PDE4D: variants seen among roughly 807,000 people sequenced by gnomAD.
PDE4D encodes the protein 3',5'-cyclic-AMP phosphodiesterase 4D.
Under a neutral mutation model 87.4 loss-of-function variants are expected in PDE4D, and 24 were observed. The ratio of observed to expected loss-of-function variants is 0.27; its 90% CI spans 0.20 to 0.39. PDE4D has a LOEUF of 0.39. PDE4D is among the 10% of genes least tolerant of loss of function. PDE4D has a pLI of 1.00. For synonymous variants in PDE4D, 384 were observed against 383.2 expected, an observed-to-expected ratio of 1.00 and a Z score of -0.02; for missense variants, 714 against 1,041.0, an observed-to-expected ratio of 0.69 and a Z score of 4.32.
chr5:60,171,114 T>C (rs544964758), intron 2 of PDE4D, among the ~76,000 whole-genome samples: 23 of 152,102 alleles, frequency 1.5e-4, no homozygotes, highest in Non-Finnish European at 2.9e-4. Flanking sequence ...AAAGATGGAA[T>C]GACTACATTG....
chr5:59,240,720 C>G (rs542222470), intron 1 of PDE4D, among the ~76,000 whole-genome samples: 48 of 152,142 alleles, frequency 3.2e-4, no homozygotes, highest in African/African-American at 1.1e-3. Flanking sequence ...CCAGAGACCC[C>G]TTTGAGAACG....
At chr5:60,028,723 A>G (rs1766918414) in intron 2 of PDE4D, among the ~76,000 whole-genome samples, 1 of 152,182 alleles carries the variant, frequency 6.6e-6, no homozygotes, top group Non-Finnish European at 1.5e-5. Context: ...TCAACATTCT[A>G]AAAACTTCCT....
At chr5:60,431,618 G>A (rs1211824391) in intron 1 of PDE4D, among the ~76,000 whole-genome samples, 4 of 145,164 alleles carry the variant, frequency 2.8e-5, no homozygotes, top group Non-Finnish European at 4.5e-5. Context: ...GGCTCCTCAC[G>A]TCCCAGACGA....
At chr5:59,397,100 A>T (rs546940559) in intron 1 of PDE4D, among the ~76,000 whole-genome samples, 3 of 127,110 alleles carry the variant, frequency 2.4e-5, no homozygotes, top group African/African-American at 9.3e-5. Flanking sequence ...GTGACCTACA[A>T]AGAGACTTAG....
At chr5:59,732,907 C>A (rs1268714078) in intron 1 of PDE4D, among the ~76,000 whole-genome samples, 2 of 152,070 alleles carry the variant, frequency 1.3e-5, no homozygotes, top group Non-Finnish European at 2.9e-5. Flanking sequence ...TATTAAGTGA[C>A]TTTCACATGG....
intron 2 of PDE4D, among the ~76,000 whole-genome samples, chr5:60,104,789 T>TCTA (rs1776681480): frequency 6.6e-6 from 1 of 152,176 alleles, no homozygotes; most frequent in Non-Finnish European, 1.5e-5. Flanking sequence ...CCAACAGACC[T>TCTA]GCAGCTGAGG....
chr5:60,488,872 T>A (rs1749358144), upstream of PDE4D, among the ~76,000 whole-genome samples: 1 of 152,168 alleles, frequency 6.6e-6, no homozygotes. Context: ...GAATGTTCCA[T>A]GGTAGAAGGG....
chr5:60,148,397 A>G (rs1454859756), intron 2 of PDE4D, among the ~76,000 whole-genome samples: 1 of 152,222 alleles, frequency 6.6e-6, no homozygotes, highest in Non-Finnish European at 1.5e-5. Flanking sequence ...CATAGAATTT[A>G]CATATTATTA....
chr5:59,071,979 G>A (rs968125335), intron 5 of PDE4D, among the ~76,000 whole-genome samples: 8 of 152,124 alleles, frequency 5.3e-5, no homozygotes, highest in South Asian at 2.1e-4. Flanking sequence ...GTGAGCCACC[G>A]CGCCCGGCCA....
intron 1 of PDE4D, among the ~76,000 whole-genome samples, chr5:59,298,178 A>G (rs1254764062): frequency 1.5e-5 from 2 of 131,028 alleles, no homozygotes; most frequent in African/African-American, 3.0e-5. Context: ...GTGCAGTGGG[A>G]TGATCTCACT....
intron 3 of PDE4D, among the ~76,000 whole-genome samples, chr5:59,192,898 C>T (rs1358209904): frequency 1.3e-5 from 2 of 152,158 alleles, no homozygotes; most frequent in African/African-American, 2.4e-5. Flanking sequence ...GTTAATCTAA[C>T]GTGCAGGTAG....
intron 1 of PDE4D, among the ~76,000 whole-genome samples, chr5:60,479,050 T>C (rs1056778505): frequency 6.6e-6 from 1 of 152,120 alleles, no homozygotes; most frequent in South Asian, 2.1e-4. Flanking sequence ...GCGGTGGCAA[T>C]GTAACTTGAT....
intron 3 of PDE4D, among the ~76,000 whole-genome samples, chr5:59,970,534 A>G (rs1760606504): frequency 6.6e-6 from 1 of 152,216 alleles, no homozygotes; most frequent in Non-Finnish European, 1.5e-5. Context: ...AACCCCATCA[A>G]AAAGTGGTGA....
chr5:59,935,447 A>T (rs1173960839), intron 3 of PDE4D, among the ~76,000 whole-genome samples: 2 of 152,196 alleles, frequency 1.3e-5, no homozygotes, highest in Non-Finnish European at 2.9e-5. Flanking sequence ...AAAAGGGGTA[A>T]AAAATAAAGA....
intron 2 of PDE4D, among the ~76,000 whole-genome samples, chr5:60,151,014 T>G (rs1324419234): frequency 6.6e-6 from 1 of 152,134 alleles, no homozygotes; most frequent in Non-Finnish European, 1.5e-5. Flanking sequence ...CAATAAAAAG[T>G]AACTAATCTT....
chr5:59,781,953 A>G (rs1050843428), intron 1 of PDE4D, among the ~76,000 whole-genome samples: 1 of 152,138 alleles, frequency 6.6e-6, no homozygotes, highest in Admixed American at 6.5e-5. Context: ...CAGTGTTTCC[A>G]TCATACAGAT....
At chr5:59,664,158 T>A (rs535177019) in intron 1 of PDE4D, among the ~76,000 whole-genome samples, 1 of 152,216 alleles carries the variant, frequency 6.6e-6, no homozygotes, top group Non-Finnish European at 1.5e-5. Flanking sequence ...GATGGATGTA[T>A]ACAAATGCTG....
chr5:59,445,484 T>C (rs749684480), intron 1 of PDE4D, among the ~76,000 whole-genome samples: 3 of 152,204 alleles, frequency 2.0e-5, no homozygotes, highest in Non-Finnish European at 2.9e-5. Context: ...ACAGATTCTG[T>C]TGCAATTTGT....
chr5:60,373,100 G>A (rs948551679), intron 1 of PDE4D, among the ~76,000 whole-genome samples: 3 of 152,152 alleles, frequency 2.0e-5, no homozygotes, highest in South Asian at 2.1e-4. Flanking sequence ...AAGTCACTCC[G>A]GCTGACTGCA....
Sources: allele counts gnomAD v4.1 joint callset (sites outside exome capture counted in the v4.1 genomes callset), GRCh38; gene constraint gnomAD v4.1.1; transcripts MANE v1.5; gene names NCBI Gene and HGNC (gene_info 2026-07-23, HGNC 2026-07-21).